TEC: variants seen among roughly 807,000 people sequenced by gnomAD.
TEC encodes tec protein tyrosine kinase, also known as tyrosine-protein kinase Tec.
In TEC, 72 loss-of-function variants were observed where a neutral mutation model predicts 93.0. That is an observed-to-expected ratio of 0.77 (90% CI 0.64 to 0.94). The LOEUF (loss-of-function observed/expected upper bound fraction) is 0.94, where lower values mean the gene tolerates loss of function less well. Among genes scored for constraint, TEC ranks in the 40% least tolerant of loss-of-function variants. The pLI is 0.00. For missense variants in TEC, 630 were observed against 757.9 expected (o/e 0.83, Z 1.98); for synonymous variants, 249 against 247.7 (o/e 1.01, Z -0.05).
chr4:48,196,164 G>A (rs1722295640), intron 2 of TEC, among the ~76,000 whole-genome samples: 1 of 152,132 alleles, frequency 6.6e-6, no homozygotes, highest in African/African-American at 2.4e-5. Context: ...GTTTCCAGAG[G>A]AGACTGGCAT....
In TEC at chr4:48,145,600, G is replaced by C. The variant is rs73244490; in HGVS notation, c.1082-21C>G. ...TTTCTCTGCAGGACAGAAAGTGAAA[G>C]TGTTCATATTTAAAAAGGAAAATGT... On this transcript the variant is annotated intron_variant, in intron 12 of 17. Coordinates refer to ENST00000381501, the MANE Select transcript of TEC (RefSeq NM_003215.3). 6,420 of 1,611,176 alleles carry C rather than the reference G, an allele frequency of 4.0e-3. 21 individuals carry two copies. Among genetic ancestry groups the C allele is most frequent in the Admixed American group, 5.6e-3 (336 of 59,534 alleles).
intron 2 of TEC, among the ~76,000 whole-genome samples, chr4:48,184,926 C>T (rs558541335): frequency 2.0e-5 from 3 of 152,140 alleles, no homozygotes; most frequent in Admixed American, 6.5e-5. Flanking sequence ...CATTCCCTCA[C>T]GACAATTTGT....
intron 1 of TEC, among the ~76,000 whole-genome samples, chr4:48,240,147 GT>G (rs951437240): frequency 1.3e-5 from 2 of 152,108 alleles, no homozygotes; most frequent in Non-Finnish European, 2.9e-5. Context: ...TTGTTCATGA[GT>G]TGATAACTAT....
chr4:48,253,554 A>G (rs1724263226), intron 1 of TEC, among the ~76,000 whole-genome samples: 1 of 148,618 alleles, frequency 6.7e-6, no homozygotes, highest in African/African-American at 2.5e-5. Context: ...TCCTAAATAA[A>G]TGTAATCATG....
chr4:48,155,738 G>A (rs1020756844), intron 9 of TEC: 1 of 152,232 alleles, frequency 6.6e-6, no homozygotes, highest in African/African-American at 2.4e-5. Context: ...CTCTGGAACT[G>A]TGTGAGTAGC....
At chr4:48,196,034 G>A (rs1452707707) in intron 2 of TEC, among the ~76,000 whole-genome samples, 1 of 152,162 alleles carries the variant, frequency 6.6e-6, no homozygotes, top group Non-Finnish European at 1.5e-5. Context: ...CCACATTATA[G>A]CACCTATGCA....
In TEC at chr4:48,163,758, T is replaced by G. The variant is rs780780901; in HGVS notation, c.681A>C (p.Gly227=). The G allele has an allele frequency of 1.3e-5, 19 of 1,485,554 alleles. No individual in the cohort carries two copies. The highest frequency in any genetic ancestry group is 1.6e-5 in the Non-Finnish European group (18 of 1,091,926). 92.0% of individuals were successfully genotyped at this position (1,485,554 alleles called of 1,614,324 possible). A position where few individuals can be genotyped will look rare whatever the true frequency, so the allele number is the denominator to read the frequency against. ...CCGTTACGTAATTACTTGGGATATA[T>G]CCTTCATTCCTAGAAATAAGAAAAA... is the stretch of plus-strand genomic sequence containing the variant. ...WRARDKYGNE[G]YIPSNYVTGK... The change falls in exon 8 of 18, where the codon GGA becomes GGC. Residue 227 remains glycine (G), a synonymous_variant. Coordinates refer to ENST00000381501, the MANE Select transcript of TEC (RefSeq NM_003215.3).
intron 1 of TEC, among the ~76,000 whole-genome samples, chr4:48,261,646 A>G (rs1724499161): frequency 6.6e-6 from 1 of 152,198 alleles, no homozygotes; most frequent in South Asian, 2.1e-4. Context: ...TCACATTATA[A>G]TGTCACCAAA....
At chr4:48,171,017 C>T (rs930683669) in intron 4 of TEC, among the ~76,000 whole-genome samples, 1 of 152,076 alleles carries the variant, frequency 6.6e-6, no homozygotes, top group African/African-American at 2.4e-5. Flanking sequence ...CACCACTGCA[C>T]TCCAGCCTGG....
intron 14 of TEC, among the ~76,000 whole-genome samples, chr4:48,143,334 T>C (rs1365047718): frequency 2.6e-5 from 4 of 152,248 alleles, no homozygotes; most frequent in African/African-American, 2.4e-5. Flanking sequence ...ACATCATCTG[T>C]GTGGACAGGT....
intron 9 of TEC, among the ~76,000 whole-genome samples, chr4:48,151,431 T>C (rs1282133894): frequency 6.6e-6 from 1 of 152,258 alleles, no homozygotes; most frequent in Non-Finnish European, 1.5e-5. Flanking sequence ...GTGCTTTTTA[T>C]AAGAATGAAT....
chr4:48,247,421 C>G (rs974162490), intron 1 of TEC, among the ~76,000 whole-genome samples: 1 of 152,164 alleles, frequency 6.6e-6, no homozygotes, highest in African/African-American at 2.4e-5. Flanking sequence ...CACATTCACA[C>G]AAAAACTTGT....
chr4:48,141,571 G>A (rs766784468), intron 14 of TEC, 152 bp from the exon 15 acceptor site: 2 of 626,530 alleles, frequency 3.2e-6, no homozygotes, highest in Non-Finnish European at 5.3e-6. Context: ...TACCCCTATG[G>A]AAGTATTTCC....
intron 2 of TEC, among the ~76,000 whole-genome samples, chr4:48,200,390 A>T (rs56363516): frequency 0.08 from 12,239 of 152,172 alleles, 688 homozygotes; most frequent in East Asian, 0.31. Flanking sequence ...TAAAATTGGG[A>T]TAATAATTTC....
intron 1 of TEC, among the ~76,000 whole-genome samples, chr4:48,251,753 G>A (rs1372070091): frequency 6.6e-6 from 1 of 152,136 alleles, no homozygotes; most frequent in African/African-American, 2.4e-5. Flanking sequence ...AAAGAAGAGG[G>A]GTGGGATGAT....
chr4:48,164,874 A>G (rs1440658313), intron 7 of TEC, among the ~76,000 whole-genome samples: 4 of 152,064 alleles, frequency 2.6e-5, no homozygotes, highest in Non-Finnish European at 4.4e-5. Flanking sequence ...GTGGTGGAAC[A>G]TGCCTATAAT....
intron 17 of TEC, among the ~76,000 whole-genome samples, chr4:48,138,241 T>C (rs1359631783): frequency 2.0e-5 from 3 of 152,216 alleles, no homozygotes; most frequent in Non-Finnish European, 2.9e-5. Context: ...AGTCATTTGG[T>C]ATCTAATCTC....
At chr4:48,216,308 C>T (rs917115957) in intron 2 of TEC, among the ~76,000 whole-genome samples, 1 of 151,966 alleles carries the variant, frequency 6.6e-6, no homozygotes. Context: ...TTCCTCCACT[C>T]ATAATTTGGT....
chr4:48,159,286 A>G (rs972856738), intron 8 of TEC, among the ~76,000 whole-genome samples: 37 of 152,320 alleles, frequency 2.4e-4, no homozygotes, highest in African/African-American at 8.7e-4. Flanking sequence ...GCATCTGAAA[A>G]AAGGCCTCAG....
Sources: gnomAD v4.1 joint callset for allele counts (sites outside exome capture counted in the v4.1 genomes callset) on GRCh38, gnomAD v4.1.1 for gene constraint, MANE v1.5 for transcripts, NCBI Gene and HGNC (gene_info 2026-07-23, HGNC 2026-07-21) for gene names.